The following SNTG1 variants were observed in gnomAD, a reference collection of about 807,000 sequenced individuals.
SNTG1 encodes the protein syntrophin gamma 1.
SNTG1 carries 39 observed loss-of-function variants against 74.7 expected under a neutral mutation model. The observed-to-expected ratio is 0.52, with a 90% CI of 0.40 to 0.68. The LOEUF (loss-of-function observed/expected upper bound fraction) is 0.68, where lower values mean the gene tolerates loss of function less well. Among genes scored for constraint, SNTG1 ranks in the 30% least tolerant of loss-of-function variants. The pLI, the probability that SNTG1 is intolerant of heterozygous loss-of-function variation, is 0.00. For missense variants in SNTG1, 685 were observed against 609.5 expected, an observed-to-expected ratio of 1.12 and a Z score of -1.30; for synonymous variants, 254 against 217.1, an observed-to-expected ratio of 1.17 and a Z score of -1.49.
intron 1 of SNTG1, among the ~76,000 whole-genome samples, chr8:50,080,446 C>G (rs1822300448): frequency 6.6e-6 from 1 of 152,104 alleles, no homozygotes; most frequent in Admixed American, 6.5e-5. Flanking sequence ...GAAGGTTTAG[C>G]ACATTCACAT....
intron 2 of SNTG1, among the ~76,000 whole-genome samples, chr8:50,351,095 C>T (rs1271204945): frequency 4.6e-5 from 7 of 152,190 alleles, no homozygotes; most frequent in African/African-American, 7.2e-5. Context: ...CCACCAATTC[C>T]GGACACACCC....
chr8:50,679,890 T>G (rs564039764), intron 15 of SNTG1, among the ~76,000 whole-genome samples: 9 of 152,190 alleles, frequency 5.9e-5, no homozygotes, highest in Middle Eastern at 3.4e-3. Flanking sequence ...GTAAAGGAAA[T>G]TGAGAGAGGG....
At chr8:50,410,491 A>T (rs2092933489) in intron 4 of SNTG1, among the ~76,000 whole-genome samples, 2 of 152,180 alleles carry the variant, frequency 1.3e-5, no homozygotes, top group South Asian at 4.1e-4. Context: ...ATTTACAAAG[A>T]ATATATATAT....
intron 2 of SNTG1, among the ~76,000 whole-genome samples, chr8:50,389,719 A>G (rs2092627795): frequency 6.6e-6 from 1 of 152,122 alleles, no homozygotes; most frequent in East Asian, 1.9e-4. Context: ...AAGTGTTCCT[A>G]TTTCTCCACA....
intron 17 of SNTG1, among the ~76,000 whole-genome samples, chr8:50,739,975 A>C (rs1271625949): frequency 6.6e-6 from 1 of 152,070 alleles, no homozygotes; most frequent in East Asian, 1.9e-4. Context: ...AATTAACACA[A>C]GATATATTAA....
At chr8:50,431,458 A>G (rs965217142) in intron 4 of SNTG1, among the ~76,000 whole-genome samples, 6 of 152,204 alleles carry the variant, frequency 3.9e-5, no homozygotes, top group African/African-American at 1.4e-4. Flanking sequence ...AGGACATCTT[A>G]TTTGGCTATT....
At chr8:50,083,270 C>T (rs1454288182) in intron 1 of SNTG1, among the ~76,000 whole-genome samples, 1 of 152,122 alleles carries the variant, frequency 6.6e-6, no homozygotes, top group Non-Finnish European at 1.5e-5. Flanking sequence ...TTCAATTTTG[C>T]AGTTGATTTT....
intron 2 of SNTG1, among the ~76,000 whole-genome samples, chr8:50,211,753 C>A (rs1277189136): frequency 6.6e-6 from 1 of 151,962 alleles, no homozygotes; most frequent in Non-Finnish European, 1.5e-5. Context: ...ATTGCAATTA[C>A]AAATACAAAA....
chr8:50,078,926 A>T (rs1822148338), intron 1 of SNTG1, among the ~76,000 whole-genome samples: 1 of 152,158 alleles, frequency 6.6e-6, no homozygotes, highest in African/African-American at 2.4e-5. Flanking sequence ...TCCATGGTGT[A>T]TATGTGCCAC....
chr8:49,959,685 T>A (rs1275351402), intron 1 of SNTG1, among the ~76,000 whole-genome samples: 3 of 152,240 alleles, frequency 2.0e-5, no homozygotes, highest in Non-Finnish European at 4.4e-5. Context: ...ATTTTGTTCA[T>A]CCGTTTAGCA....
chr8:50,285,114 G>A (rs146101720), intron 2 of SNTG1, among the ~76,000 whole-genome samples: 10,553 of 151,926 alleles, frequency 0.069, 404 homozygotes, highest in African/African-American at 0.085. Flanking sequence ...TTCTCTCCAG[G>A]CACCCTTGGT....
chr8:50,435,408 A>G (rs2093290959), intron 4 of SNTG1, among the ~76,000 whole-genome samples: 1 of 152,214 alleles, frequency 6.6e-6, no homozygotes, highest in Non-Finnish European at 1.5e-5. Context: ...ATATACTTTC[A>G]GATCAGCTTC....
intron 1 of SNTG1, among the ~76,000 whole-genome samples, chr8:50,135,704 G>T (rs1374935101): frequency 6.6e-6 from 1 of 152,000 alleles, no homozygotes; most frequent in Non-Finnish European, 1.5e-5. Context: ...TATTTATGCT[G>T]CATCTCTTCT....
At chr8:50,091,043 G>T (rs1283128268) in intron 1 of SNTG1, among the ~76,000 whole-genome samples, 3 of 152,030 alleles carry the variant, frequency 2.0e-5, no homozygotes, top group Non-Finnish European at 4.4e-5. Flanking sequence ...TTTTCAAGAT[G>T]AATTCTTACT....
intron 1 of SNTG1, among the ~76,000 whole-genome samples, chr8:49,938,075 C>T (rs1258584156): frequency 2.6e-5 from 4 of 152,128 alleles, no homozygotes; most frequent in Non-Finnish European, 5.9e-5. Context: ...TTCCCTGACT[C>T]CTTTCAAATC....
intron 11 of SNTG1, among the ~76,000 whole-genome samples, chr8:50,540,447 T>C (rs118010994): frequency 0.023 from 3,545 of 152,306 alleles, 67 homozygotes; most frequent in Non-Finnish European, 0.035. Flanking sequence ...TTTATATGTA[T>C]TTATAAAGGA....
chr8:50,478,360 T>C (rs560830089), intron 8 of SNTG1, among the ~76,000 whole-genome samples: 2 of 152,326 alleles, frequency 1.3e-5, no homozygotes, highest in African/African-American at 4.8e-5. Context: ...TAATGACAGG[T>C]TTTTGGATTC....
intron 12 of SNTG1, among the ~76,000 whole-genome samples, chr8:50,556,397 G>C (rs1199695046): frequency 6.6e-6 from 1 of 152,066 alleles, no homozygotes; most frequent in South Asian, 2.1e-4. Flanking sequence ...CTATATTTTA[G>C]GTGAGCATTC....
chr8:50,592,135 A>G (rs1036646910), intron 13 of SNTG1, among the ~76,000 whole-genome samples: 1 of 152,180 alleles, frequency 6.6e-6, no homozygotes, highest in African/African-American at 2.4e-5. Flanking sequence ...TAATGCTTTT[A>G]CAGGGTTCCA....
Sources: gnomAD v4.1 joint callset for allele counts (sites outside exome capture counted in the v4.1 genomes callset) on GRCh38, gnomAD v4.1.1 for gene constraint, MANE v1.5 for transcripts, NCBI Gene and HGNC (gene_info 2026-07-23, HGNC 2026-07-21) for gene names.